COL4A2: variants seen among roughly 807,000 people sequenced by gnomAD.
The protein encoded by COL4A2 is collagen type IV alpha 2 chain.
In COL4A2, 99 loss-of-function variants were observed where a neutral mutation model predicts 200.2. The observed-to-expected ratio is 0.49, with a 90% CI of 0.42 to 0.58. The LOEUF (loss-of-function observed/expected upper bound fraction) is 0.58, where lower values mean the gene tolerates loss of function less well. Among genes scored for constraint, COL4A2 ranks in the 20% least tolerant of loss-of-function variants. COL4A2 has a pLI of 0.00. For synonymous variants in COL4A2, 897 were observed against 900.6 expected (o/e 1.00, Z 0.07); for missense variants, 1,950 against 2,314.1 (o/e 0.84, Z 3.23).
intron 4 of COL4A2, among the ~76,000 whole-genome samples, chr13:110,421,960 C>T (rs1880265715): frequency 6.6e-6 from 1 of 152,198 alleles, no homozygotes; most frequent in South Asian, 2.1e-4. Context: ...GTGCATATTT[C>T]CATTTTGGTT....
chr13:110,431,436 G>T (rs148718909), intron 10 of COL4A2, among the ~76,000 whole-genome samples: 2,034 of 152,214 alleles, frequency 0.013, 19 homozygotes, highest in African/African-American at 0.03. Context: ...TATAATAAAT[G>T]ACAATAATAA....
intron 3 of COL4A2, among the ~76,000 whole-genome samples, chr13:110,322,834 G>C (rs1472251291): frequency 6.6e-6 from 1 of 152,226 alleles, no homozygotes. Context: ...TATTAAATCA[G>C]TGTGTTATTT....
At chr13:110,315,094 G>A (rs558038328) in intron 3 of COL4A2, among the ~76,000 whole-genome samples, 1 of 152,216 alleles carries the variant, frequency 6.6e-6, no homozygotes, top group South Asian at 2.1e-4. Flanking sequence ...GAGCAGAGCC[G>A]CCTCTGCCCG....
chr13:110,493,031 A>T (rs994963492), intron 38 of COL4A2, among the ~76,000 whole-genome samples, 180 bp from the exon 39 acceptor site: 2 of 152,030 alleles, frequency 1.3e-5, no homozygotes, highest in Admixed American at 1.3e-4. Context: ...ACATGAAATA[A>T]CAATGAGTGA....
At chr13:110,417,052 C>G (rs1359095944) in intron 4 of COL4A2, among the ~76,000 whole-genome samples, 1 of 151,204 alleles carries the variant, frequency 6.6e-6, no homozygotes, top group African/African-American at 2.4e-5. Context: ...ACGATCTTGG[C>G]TCACTGCAAG....
chr13:110,433,833 C>T (rs950745222), intron 11 of COL4A2, among the ~76,000 whole-genome samples: 10 of 152,192 alleles, frequency 6.6e-5, no homozygotes, highest in African/African-American at 1.2e-4. Context: ...ATTATTAAAT[C>T]CTTACTATGA....
chr13:110,507,010 C>T (rs968899719), intron 46 of COL4A2, among the ~76,000 whole-genome samples: 1 of 152,100 alleles, frequency 6.6e-6, no homozygotes, highest in Non-Finnish European at 1.5e-5. Flanking sequence ...TACAGCCCCC[C>T]GAGGAAAATG....
At chr13:110,372,887 G>A (rs1024636999) in intron 4 of COL4A2, among the ~76,000 whole-genome samples, 1 of 152,220 alleles carries the variant, frequency 6.6e-6, no homozygotes, top group African/African-American at 2.4e-5. Context: ...TGTGCACACT[G>A]CATGTCATGG....
intron 4 of COL4A2, among the ~76,000 whole-genome samples, chr13:110,366,817 A>G (rs1346309971): frequency 2.0e-5 from 3 of 152,220 alleles, no homozygotes; most frequent in African/African-American, 7.2e-5. Context: ...GTATTTTTAA[A>G]TGAAACAGTC....
chr13:110,353,396 A>G (rs1019621941), intron 3 of COL4A2, among the ~76,000 whole-genome samples: 2 of 152,144 alleles, frequency 1.3e-5, no homozygotes, highest in African/African-American at 2.4e-5. Flanking sequence ...AAATGAAGGG[A>G]TAGGCTGGAG....
chr13:110,424,461 C>T (rs1487166646), intron 4 of COL4A2, among the ~76,000 whole-genome samples: 36 of 144,902 alleles, frequency 2.5e-4, no homozygotes, highest in East Asian at 4.1e-4. Flanking sequence ...TAAGTTAATT[C>T]TTTCATCCCA....
At chr13:110,439,859 C>A in intron 16 of COL4A2, 26 bp downstream of exon 16, 2 of 1,611,838 alleles carry the variant, frequency 1.2e-6, no homozygotes, top group South Asian at 2.2e-5. Flanking sequence ...GAACTGCAGT[C>A]TGCTCTGGGC....
At chr13:110,465,897 C>A in intron 25 of COL4A2, 106 bp from the exon 26 acceptor site, 1 of 1,369,776 alleles carries the variant, frequency 7.3e-7, no homozygotes, top group East Asian at 2.3e-5. Flanking sequence ...CTGCCCCCAC[C>A]AGCAACATAT....
chr13:110,504,167 G>A lies in COL4A2; in HGVS notation c.4305G>A (p.Gly1435=), dbSNP rs770555680. Residue 1435 remains glycine, a synonymous_variant, in exon 45 of 48, where the codon GGG becomes GGA. Transcript: ENST00000360467. ...PGEPGFRGAP[G]KAGPQGRGGV... ...TTGCAGGTTTCCGTGGGGCTCCAGG[G>A]AAAGCTGGGCCCCAAGGAAGAGGTG... 11 of 1,614,152 alleles carry A rather than the reference G, an allele frequency of 6.8e-6. No homozygotes were observed. In the African/African-American group the frequency reaches 1.1e-4, roughly 16 times the overall value.
intron 4 of COL4A2, among the ~76,000 whole-genome samples, chr13:110,414,248 C>T (rs749798363): frequency 2.0e-5 from 3 of 152,200 alleles, no homozygotes; most frequent in East Asian, 1.9e-4. Flanking sequence ...CGTTCACACT[C>T]GTGTGAGACA....
intron 11 of COL4A2, 79 bp downstream of exon 11, chr13:110,432,439 ACTT>A: frequency 1.3e-5 from 19 of 1,488,062 alleles, no homozygotes; most frequent in Non-Finnish European, 1.7e-5. Context: ...TTACCATAAA[ACTT>A]CTTGGTTGGC....
chr13:110,385,944 TGGGCCGTG>T (rs1878719296), intron 4 of COL4A2, among the ~76,000 whole-genome samples: 1 of 127,836 alleles, frequency 7.8e-6, no homozygotes, highest in Non-Finnish European at 1.7e-5. Context: ...AGCGTGTGGA[TGGGCCGTG>T]GTCACAGCGT....
chr13:110,467,116 T>C lies in COL4A2; in HGVS notation c.2095+20T>C, dbSNP rs1320570462. 3.1e-6 allele frequency: 5 copies of C among 1,613,702 alleles called. No homozygotes were observed. The highest frequency in any genetic ancestry group is 4.2e-6 in the Non-Finnish European group (5 of 1,179,860). On this transcript the variant is annotated intron_variant, in intron 27 of 47. Transcript: ENST00000360467. The stretch of plus-strand genomic sequence containing the variant: ...CCACAGGTAATGCACGGAGGGAACC[T>C]GGAGTGCACCCAGCCTTCCTCCCAC...
intron 20 of COL4A2, among the ~76,000 whole-genome samples, chr13:110,453,022 T>C (rs1881601707): frequency 6.6e-6 from 1 of 152,122 alleles, no homozygotes; most frequent in Non-Finnish European, 1.5e-5. Flanking sequence ...CACCTCGGCC[T>C]CCCAGAGTGC....
Sources: gnomAD v4.1 joint callset for allele counts (sites outside exome capture counted in the v4.1 genomes callset) on GRCh38, gnomAD v4.1.1 for gene constraint, MANE v1.5 for transcripts, NCBI Gene and HGNC (gene_info 2026-07-23, HGNC 2026-07-21) for gene names.